The following SLC35F1 variants were observed in gnomAD, a reference collection of about 807,000 sequenced individuals.
The protein encoded by SLC35F1 is chromosome 6 open reading frame 169.
A neutral mutation model predicts 48.7 loss-of-function variants in SLC35F1; 14 were observed. The observed-to-expected ratio is 0.29, with a 90% CI of 0.19 to 0.45. The LOEUF is 0.45. Ranked by LOEUF, SLC35F1 falls within the 20% of genes least tolerant of loss-of-function variation. The pLI, the probability that SLC35F1 is intolerant of heterozygous loss-of-function variation, is 1.00. For missense variants in SLC35F1, 404 were observed against 500.0 expected (o/e 0.81, Z 1.83); for synonymous variants, 190 against 202.2 (o/e 0.94, Z 0.51).
chr6:118,164,524 T>C (rs149920722), intron 2 of SLC35F1, among the ~76,000 whole-genome samples: 123 of 152,340 alleles, frequency 8.1e-4, no homozygotes, highest in African/African-American at 2.8e-3. Context: ...CTGTGCTGTA[T>C]TTCATCATTT....
intron 1 of SLC35F1, among the ~76,000 whole-genome samples, chr6:118,127,457 CT>C (rs1430563803): frequency 6.6e-6 from 1 of 151,884 alleles, no homozygotes; most frequent in African/African-American, 2.4e-5. Context: ...TTGGTTGTGT[CT>C]CTGCCCGGCT....
intron 2 of SLC35F1, among the ~76,000 whole-genome samples, chr6:118,183,871 A>G (rs959887708): frequency 6.6e-6 from 1 of 152,196 alleles, no homozygotes; most frequent in South Asian, 2.1e-4. Context: ...TTAAAAGGTC[A>G]TCTATTTGAA....
chr6:118,189,268 AC>A (rs1774700968), intron 2 of SLC35F1, among the ~76,000 whole-genome samples: 1 of 152,152 alleles, frequency 6.6e-6, no homozygotes, highest in Non-Finnish European at 1.5e-5. Context: ...ACCATCAGTG[AC>A]ACCTGTTATC....
intron 1 of SLC35F1, among the ~76,000 whole-genome samples, chr6:118,008,395 G>A (rs966910253): frequency 6.6e-6 from 1 of 152,160 alleles, no homozygotes; most frequent in African/African-American, 2.4e-5. Context: ...GAGCAACTGA[G>A]AAATCTGCCT....
intron 2 of SLC35F1, among the ~76,000 whole-genome samples, chr6:118,193,104 C>T (rs1413597845): frequency 6.6e-6 from 1 of 152,118 alleles, no homozygotes; most frequent in Non-Finnish European, 1.5e-5. Context: ...AAACAAAAAT[C>T]TTTCATTATC....
intron 1 of SLC35F1, among the ~76,000 whole-genome samples, chr6:117,947,346 GA>G (rs777776416): frequency 5.9e-5 from 9 of 152,248 alleles, no homozygotes; most frequent in Admixed American, 2.6e-4. Flanking sequence ...TGAGATTCTA[GA>G]GATGAAAGGA....
At chr6:117,942,308 T>C (rs1433835041) in intron 1 of SLC35F1, among the ~76,000 whole-genome samples, 1 of 152,162 alleles carries the variant, frequency 6.6e-6, no homozygotes, top group Non-Finnish European at 1.5e-5. Context: ...TTAGATATTG[T>C]AAATATCCAG....
At chr6:118,247,882 A>C (rs1431660046) in intron 3 of SLC35F1, among the ~76,000 whole-genome samples, 1 of 152,186 alleles carries the variant, frequency 6.6e-6, no homozygotes, top group Non-Finnish European at 1.5e-5. Flanking sequence ...AACCAGTTTT[A>C]AGTCATTTAA....
At chr6:118,255,788 G>C (rs1466381211) in intron 3 of SLC35F1, among the ~76,000 whole-genome samples, 1 of 152,142 alleles carries the variant, frequency 6.6e-6, no homozygotes, top group Non-Finnish European at 1.5e-5. Context: ...CCTGGAAAAG[G>C]GCTGTTATAT....
At chr6:118,221,208 C>T (rs1775142606) in intron 2 of SLC35F1, among the ~76,000 whole-genome samples, 1 of 152,132 alleles carries the variant, frequency 6.6e-6, no homozygotes, top group Non-Finnish European at 1.5e-5. Flanking sequence ...AGATACTGCG[C>T]TACCCCAACA....
At chr6:117,994,478 A>G (rs1476126019) in intron 1 of SLC35F1, among the ~76,000 whole-genome samples, 2 of 152,220 alleles carry the variant, frequency 1.3e-5, no homozygotes, top group East Asian at 3.9e-4. Context: ...TTTGCCTTCC[A>G]CAGCTTTCAT....
At chr6:117,957,505 A>G (rs751489371) in intron 1 of SLC35F1, among the ~76,000 whole-genome samples, 1 of 152,234 alleles carries the variant, frequency 6.6e-6, no homozygotes, top group Non-Finnish European at 1.5e-5. Context: ...GTTTTGTCAT[A>G]CAGTCCATTG....
chr6:118,200,749 G>A (rs1301788383), intron 2 of SLC35F1, among the ~76,000 whole-genome samples: 1 of 152,100 alleles, frequency 6.6e-6, no homozygotes, highest in Non-Finnish European at 1.5e-5. Context: ...TCGTAACAGT[G>A]CGATTATGGG....
At chr6:118,238,781 G>T (rs1456719190) in intron 3 of SLC35F1, among the ~76,000 whole-genome samples, 1 of 152,196 alleles carries the variant, frequency 6.6e-6, no homozygotes, top group Non-Finnish European at 1.5e-5. Context: ...CAAGGGGAAT[G>T]CTGTGAGTTA....
intron 1 of SLC35F1, among the ~76,000 whole-genome samples, chr6:118,140,422 G>A (rs1269657403): frequency 6.6e-6 from 1 of 152,190 alleles, no homozygotes; most frequent in African/African-American, 2.4e-5. Context: ...CATTTCTGGT[G>A]ATAGTGGTGT....
At chr6:118,277,429 A>G (rs1775931724) in intron 5 of SLC35F1, 65 bp from the exon 6 acceptor site, 2 of 1,329,006 alleles carry the variant, frequency 1.5e-6, no homozygotes, top group Admixed American at 1.8e-5. Flanking sequence ...GGGGGAAAAA[A>G]GAAAGAAAGA....
At chr6:117,996,947 A>G (rs1195049352) in intron 1 of SLC35F1, among the ~76,000 whole-genome samples, 1 of 152,232 alleles carries the variant, frequency 6.6e-6, no homozygotes, top group Non-Finnish European at 1.5e-5. Context: ...GAGTTGAGAG[A>G]AGAAGGCTTC....
intron 2 of SLC35F1, among the ~76,000 whole-genome samples, chr6:118,219,426 A>G (rs1162419243): frequency 6.6e-6 from 1 of 152,198 alleles, no homozygotes; most frequent in African/African-American, 2.4e-5. Context: ...AGGGGCCATA[A>G]GAGAAATGCA....
chr6:118,269,037 C>T (rs1775817673), intron 4 of SLC35F1, among the ~76,000 whole-genome samples: 2 of 152,124 alleles, frequency 1.3e-5, no homozygotes. Flanking sequence ...TCTTGGCCAT[C>T]ATCTTGCATT....
Sources: allele counts gnomAD v4.1 joint callset (sites outside exome capture counted in the v4.1 genomes callset), GRCh38; gene constraint gnomAD v4.1.1; transcripts MANE v1.5; gene names NCBI Gene and HGNC (gene_info 2026-07-23, HGNC 2026-07-21).